DCBLD1: variants seen among roughly 807,000 people sequenced by gnomAD.
DCBLD1 encodes discoidin, CUB and LCCL domain-containing protein 1.
A neutral mutation model predicts 71.5 loss-of-function variants in DCBLD1; 57 were observed. That is an observed-to-expected ratio of 0.80 (90% confidence interval 0.64 to 0.99). The LOEUF (loss-of-function observed/expected upper bound fraction) is 0.99, where lower values mean the gene tolerates loss of function less well. DCBLD1 is among the 50% of genes least tolerant of loss of function. The pLI is 0.00. For synonymous variants in DCBLD1, 380 were observed against 363.8 expected (o/e 1.04, Z -0.51); for missense variants, 891 against 923.5 (o/e 0.96, Z 0.46).
chr6:117,567,043 G>T, intron 14 of DCBLD1: 1 of 1,543,556 alleles, frequency 6.5e-7, no homozygotes. Flanking sequence ...CTCTAAAACA[G>T]GAAATGAAAA....
chr6:117,525,493 C>T, intron 5 of DCBLD1, 59 bp downstream of exon 5: 4 of 1,248,364 alleles, frequency 3.2e-6, no homozygotes, highest in South Asian at 2.2e-5. Context: ...CTTTACTCTG[C>T]CTAAATTAAT....
rs993813136 is a variant in DCBLD1 at position 117,549,291 on chromosome 6, C to T, written c.*852C>T. 3 of 985,260 alleles carry T rather than the reference C, an allele frequency of 3.0e-6. No homozygotes were observed. The highest frequency in any genetic ancestry group is 3.5e-5 in the African/African-American group (2 of 57,194). 61.0% of individuals were successfully genotyped at this position (985,260 alleles called of 1,614,324 possible). ...ACTTTCTTCAGAAGTAGCACATTTT[C>T]GTGACTTCCGCTGTCCTCTGAAAAA... On this transcript the variant is annotated 3_prime_UTR_variant, in exon 15 of 15. Coordinates refer to ENST00000338728, the MANE Select transcript of DCBLD1 (RefSeq NM_001366458.2).
At chr6:117,484,723 A>G (rs1321201789) in intron 1 of DCBLD1, among the ~76,000 whole-genome samples, 1 of 152,164 alleles carries the variant, frequency 6.6e-6, no homozygotes, top group Non-Finnish European at 1.5e-5. Context: ...GTTATAGGCA[A>G]TTTCGTATTA....
In DCBLD1 at chr6:117,516,941, G is replaced by T. The variant is rs143329996; in HGVS notation, c.326-2875G>T. 5.9e-5 allele frequency among the ~76,000 whole-genome samples: 9 copies of T among 152,232 alleles called. No homozygotes were observed. The East Asian group carries it at 1.7e-3, about 29-fold the overall frequency. ...CACGTGGGAATTCAAGATGAGATTTGGGTGGGGACACCCAAACCATTATCA... is the reference window on the plus strand; with the variant it reads ...CACGTGGGAATTCAAGATGAGATTTTGGTGGGGACACCCAAACCATTATCA... On this transcript the variant is annotated intron_variant, in intron 2 of 14. Transcript: ENST00000338728.
At chr6:117,494,885 C>G (rs1483801666) in intron 1 of DCBLD1, 1 of 152,214 alleles carries the variant, frequency 6.6e-6, no homozygotes, top group Non-Finnish European at 1.5e-5. Context: ...TCACAGAGCA[C>G]TACTCCCAGG....
rs80030125 is a variant in DCBLD1 at position 117,548,876 on chromosome 6, T to C, written c.*437T>C. ...TATATAAATAGTATGTTCATTTTTT[T>C]CAGTATATTATCTGATACTGTGTTA... On this transcript the variant is annotated 3_prime_UTR_variant, in exon 15 of 15. Coordinates refer to ENST00000338728, the MANE Select transcript of DCBLD1 (RefSeq NM_001366458.2). 9.8e-7 allele frequency: 1 copy of C among 1,016,606 alleles called. No homozygotes were observed. Among genetic ancestry groups the C allele is most frequent in the Non-Finnish European group, 1.2e-6 (1 of 848,832 alleles). 63.0% of individuals were successfully genotyped at this position (1,016,606 alleles called of 1,614,324 possible).
chr6:117,486,474 G>C (rs554879423), intron 1 of DCBLD1, among the ~76,000 whole-genome samples: 3 of 152,282 alleles, frequency 2.0e-5, no homozygotes, highest in East Asian at 1.9e-4. Context: ...AGGACTCTTT[G>C]TTCTGTCTCC....
At chr6:117,492,478 G>C (rs2114378819) in intron 1 of DCBLD1, among the ~76,000 whole-genome samples, 1 of 152,292 alleles carries the variant, frequency 6.6e-6, no homozygotes, top group East Asian at 1.9e-4. Flanking sequence ...CTATCCAGGG[G>C]AGAAAAAGTT....
chr6:117,509,024 A>G (rs1270105523), intron 2 of DCBLD1, among the ~76,000 whole-genome samples: 1 of 152,154 alleles, frequency 6.6e-6, no homozygotes, highest in African/African-American at 2.4e-5. Flanking sequence ...CCTTGCCTCA[A>G]ATTCCTGCCT....
intron 14 of DCBLD1, among the ~76,000 whole-genome samples, chr6:117,556,690 G>T (rs1364426195): frequency 1.3e-5 from 2 of 152,184 alleles, no homozygotes; most frequent in East Asian, 3.8e-4. Flanking sequence ...AAACATACGA[G>T]TGCCAGTATC....
intron 12 of DCBLD1, among the ~76,000 whole-genome samples, chr6:117,543,871 A>G (rs1298082376): frequency 6.6e-6 from 1 of 152,200 alleles, no homozygotes; most frequent in Non-Finnish European, 1.5e-5. Flanking sequence ...TTCCTTATGT[A>G]TAAAATATAG....
intron 2 of DCBLD1, among the ~76,000 whole-genome samples, chr6:117,516,541 A>T (rs1778206541): frequency 6.6e-6 from 1 of 152,150 alleles, no homozygotes; most frequent in Non-Finnish European, 1.5e-5. Flanking sequence ...CATCTTCAGT[A>T]TGTGAAACTT....
In DCBLD1 at chr6:117,503,891, A is replaced by G; in HGVS notation, c.237A>G (p.Arg79=). ...EKTITVPKGK[R]LILRLGDLDI... ...CAATTACAGTACCAAAGGGGAAAAGACTGATTCTGAGGTTGGGAGATTTGG... is the reference window on the plus strand; with the variant it reads ...CAATTACAGTACCAAAGGGGAAAAGGCTGATTCTGAGGTTGGGAGATTTGG... Residue 79 remains arginine (R), a synonymous_variant, in exon 2 of 15, where the codon AGA becomes AGG. Transcript: ENST00000338728. 1 of 1,614,138 alleles carries G rather than the reference A, an allele frequency of 6.2e-7. No homozygotes were observed.
At chr6:117,532,416 G>T (rs772785627) in intron 6 of DCBLD1, 23 bp downstream of exon 6, 5 of 1,584,076 alleles carry the variant, frequency 3.2e-6, no homozygotes, top group Non-Finnish European at 2.6e-6. Context: ...TTTCAGTATC[G>T]TTTGTTCTGA....
chr6:117,525,104 G>A (rs149946406), intron 4 of DCBLD1, among the ~76,000 whole-genome samples: 1 of 152,098 alleles, frequency 6.6e-6, no homozygotes, highest in Admixed American at 6.5e-5. Flanking sequence ...TTAGAATCAA[G>A]TAAAGTGCAT....
At position 117,516,918 on chromosome 6, in the gene DCBLD1, C is replaced by T. The variant is rs191464771; in HGVS notation, c.326-2898C>T. The stretch of plus-strand genomic sequence containing the variant: ...CTCCCACCGGGTCCCTCCCACAACA[C>T]GTGGGAATTCAAGATGAGATTTGGG... On this transcript the variant is annotated intron_variant, in intron 2 of 14. Coordinates refer to ENST00000338728, the MANE Select transcript of DCBLD1 (RefSeq NM_001366458.2). Among the ~76,000 whole-genome samples, 648 of 152,278 alleles carry T rather than the reference C, an allele frequency of 4.3e-3. 3 individuals are homozygous for T. The highest frequency in any genetic ancestry group is 6.8e-3 in the Non-Finnish European group (463 of 68,002).
At chr6:117,506,039 T>A (rs1377160447) in intron 2 of DCBLD1, among the ~76,000 whole-genome samples, 3 of 152,222 alleles carry the variant, frequency 2.0e-5, no homozygotes, top group Non-Finnish European at 4.4e-5. Flanking sequence ...CGTTTGTCTT[T>A]TGAAAATAAA....
At chr6:117,501,379 G>A (rs1230577156) in intron 1 of DCBLD1, among the ~76,000 whole-genome samples, 2 of 152,140 alleles carry the variant, frequency 1.3e-5, no homozygotes, top group Admixed American at 6.5e-5. Flanking sequence ...TCTTGCCCAG[G>A]CTGGAGTTCA....
chr6:117,517,549 C>T (rs1026969811), intron 2 of DCBLD1, among the ~76,000 whole-genome samples: 17 of 152,224 alleles, frequency 1.1e-4, no homozygotes, highest in African/African-American at 3.6e-4. Context: ...CCACATTTCC[C>T]TTCTGCACTA....
Sources: allele counts gnomAD v4.1 joint callset (sites outside exome capture counted in the v4.1 genomes callset), GRCh38; gene constraint gnomAD v4.1.1; transcripts MANE v1.5; gene names NCBI Gene and HGNC (gene_info 2026-07-23, HGNC 2026-07-21).